Variants in TRPM1 observed in about 807,000 individuals in gnomAD.
TRPM1 encodes the protein transient receptor potential cation channel subfamily M member 1.
Under a neutral mutation model 149.4 loss-of-function variants are expected in TRPM1, and 113 were observed. That is an observed-to-expected ratio of 0.76 (90% CI 0.65 to 0.88). The LOEUF (loss-of-function observed/expected upper bound fraction) is 0.88, where lower values mean the gene tolerates loss of function less well. Among genes scored for constraint, TRPM1 ranks in the 40% least tolerant of loss-of-function variants. The probability of loss-of-function intolerance (pLI) is 0.00; values close to 1 mark genes in which losing one functional copy is unlikely to be tolerated. For synonymous variants in TRPM1, 741 were observed against 759.5 expected (o/e 0.98, Z 0.40); for missense variants, 1,976 against 2,038.7 (o/e 0.97, Z 0.59).
chr15:31,047,175 T>C lies in TRPM1; in HGVS notation c.1700A>G (p.Tyr567Cys). ...GTTTTTCCGAGTGTAGTTGCAGCGG[T>C]AGGCTCCTCCCATGAGGTACTCCAG... Reference protein sequence around the residue: ...LVLEYLMGGAYRCNYTRKNFR... With the variant: ...LVLEYLMGGACRCNYTRKNFR... Residue 567 changes from tyrosine to cysteine, a missense_variant, in exon 15 of 28, where the codon TAC (tyrosine) becomes TGC (cysteine). Tyr to Cys is a radical substitution (Grantham distance 194). Coordinates refer to ENST00000256552, the MANE Select transcript of TRPM1 (RefSeq NM_001252024.2). 1.2e-6 allele frequency: 2 copies of C among 1,614,202 alleles called. No homozygotes were observed. The highest frequency in any genetic ancestry group is 1.7e-6 in the Non-Finnish European group (2 of 1,180,036).
intron 1 of TRPM1, among the ~76,000 whole-genome samples, chr15:31,140,546 C>T (rs1317316750): frequency 2.6e-5 from 4 of 152,168 alleles, no homozygotes; most frequent in African/African-American, 9.7e-5. Context: ...GTGAGAGTTC[C>T]CTCACGAGTT....
At chr15:31,015,407 G>A (rs1210933055) in intron 27 of TRPM1, among the ~76,000 whole-genome samples, 4 of 145,698 alleles carry the variant, frequency 2.7e-5, no homozygotes, top group South Asian at 2.2e-4. Context: ...GCGAGACTCC[G>A]TCTTAAAAAA....
At chr15:31,087,898 A>G (rs2035046550) in intron 1 of TRPM1, among the ~76,000 whole-genome samples, 1 of 152,206 alleles carries the variant, frequency 6.6e-6, no homozygotes, top group African/African-American at 2.4e-5. Flanking sequence ...AGATGAAAAG[A>G]GTTCTGGGGA....
At chr15:31,058,522 A>G (rs2034144148) in intron 11 of TRPM1, among the ~76,000 whole-genome samples, 1 of 152,228 alleles carries the variant, frequency 6.6e-6, no homozygotes, top group African/African-American at 2.4e-5. Context: ...TTTAGAATCA[A>G]CATAGAGACT....
At chr15:31,060,114 CACAT>C (rs947197856) in intron 11 of TRPM1, 5 of 325,428 alleles carry the variant, frequency 1.5e-5, no homozygotes, top group African/African-American at 1.1e-4. Context: ...ACCCTATACA[CACAT>C]ACAGACACAC....
At chr15:31,152,457 A>T (rs1479591694) in intron 1 of TRPM1, among the ~76,000 whole-genome samples, 1 of 152,162 alleles carries the variant, frequency 6.6e-6, no homozygotes, top group Non-Finnish European at 1.5e-5. Flanking sequence ...TGAGGCTGTG[A>T]ACTAAAAACA....
intron 1 of TRPM1, among the ~76,000 whole-genome samples, chr15:31,088,452 G>A (rs559247640): frequency 1.7e-4 from 26 of 152,238 alleles, no homozygotes; most frequent in South Asian, 6.2e-4. Flanking sequence ...CTGACTGTAC[G>A]GTATGTGGCT....
At chr15:31,003,183 TTTGA>T in intron 27 of TRPM1, 113 bp from the exon 28 acceptor site, 1 of 911,200 alleles carries the variant, frequency 1.1e-6, no homozygotes, top group South Asian at 1.8e-5. Context: ...TATGGAACTG[TTTGA>T]GTATATTTAC....
At chr15:31,005,089 G>A (rs745465100) in intron 27 of TRPM1, among the ~76,000 whole-genome samples, 39 of 115,010 alleles carry the variant, frequency 3.4e-4, no homozygotes, top group Non-Finnish European at 5.7e-5. Flanking sequence ...ATGACAGAGC[G>A]AGACTCCATC....
intron 1 of TRPM1, among the ~76,000 whole-genome samples, chr15:31,113,797 C>T (rs2338855): frequency 3.3e-5 from 5 of 151,686 alleles, no homozygotes; most frequent in African/African-American, 9.7e-5. Context: ...GGCAAGGACC[C>T]ACAGTTAGCA....
At chr15:31,109,141 G>A (rs1461311294) in intron 1 of TRPM1, among the ~76,000 whole-genome samples, 1 of 151,966 alleles carries the variant, frequency 6.6e-6, no homozygotes, top group Non-Finnish European at 1.5e-5. Context: ...CACGCAAGAG[G>A]AAAGCATAAA....
At chr15:31,135,106 T>A (rs1010314430) in intron 1 of TRPM1, among the ~76,000 whole-genome samples, 3 of 152,256 alleles carry the variant, frequency 2.0e-5, no homozygotes, top group African/African-American at 7.2e-5. Context: ...ATCTGTCTTT[T>A]GTTACAAGAA....
chr15:31,149,499 T>C (rs1412493310), intron 1 of TRPM1, among the ~76,000 whole-genome samples: 1 of 151,348 alleles, frequency 6.6e-6, no homozygotes, highest in Non-Finnish European at 1.5e-5. Flanking sequence ...ATGGCTGCTA[T>C]AGCTCGTCAT....
At chr15:31,035,823 C>T (rs1455681072) in intron 20 of TRPM1, 149 bp from the exon 21 acceptor site, 3 of 1,116,256 alleles carry the variant, frequency 2.7e-6, no homozygotes, top group East Asian at 2.5e-5. Flanking sequence ...CACTGCACCT[C>T]ACCAGTGCAG....
intron 1 of TRPM1, among the ~76,000 whole-genome samples, chr15:31,095,741 G>T (rs1226698989): frequency 6.7e-6 from 1 of 149,606 alleles, no homozygotes; most frequent in African/African-American, 2.5e-5. Flanking sequence ...TAAACTAAAT[G>T]AAACATAAAG....
rs530085425 is a variant in TRPM1, at chr15:31,116,989, T to C, written c.55-40005A>G. Among the ~76,000 whole-genome samples, 27 of 152,334 alleles carry C rather than the reference T, an allele frequency of 1.8e-4. 1 individual carries two copies. The South Asian group carries it at 3.1e-3, about 18-fold the overall frequency. On this transcript the variant is annotated intron_variant, in intron 1 of 26. Transcript: ENST00000542188. ...GAAGAGAGAAAGCAAGCAAGGGAAC[T>C]AGACTCAGATACAGCAGAGAGTTTG...
intron 2 of TRPM1, among the ~76,000 whole-genome samples, chr15:31,078,659 CGCCCT>C (rs1567039102): frequency 6.6e-6 from 1 of 152,184 alleles, no homozygotes; most frequent in Non-Finnish European, 1.5e-5. Flanking sequence ...TCTGAAGCCC[CGCCCT>C]GCCCTTCTGT....
intron 1 of TRPM1, among the ~76,000 whole-genome samples, chr15:31,089,113 G>C (rs1212500677): frequency 6.6e-6 from 1 of 152,244 alleles, no homozygotes; most frequent in Admixed American, 6.5e-5. Flanking sequence ...CAGAAAATTC[G>C]TGATGAATAC....
intron 27 of TRPM1, among the ~76,000 whole-genome samples, chr15:31,018,176 C>A (rs1595980981): frequency 6.6e-6 from 1 of 151,924 alleles, no homozygotes; most frequent in East Asian, 1.9e-4. Context: ...CTCAGCCTCC[C>A]AAACAGCTGG....
Sources: allele counts gnomAD v4.1 joint callset (sites outside exome capture counted in the v4.1 genomes callset), GRCh38; gene constraint gnomAD v4.1.1; transcripts MANE v1.5; gene names NCBI Gene and HGNC (gene_info 2026-07-23, HGNC 2026-07-21).